Variants in NKAIN2 observed in about 807,000 individuals in gnomAD.
NKAIN2 encodes the protein sodium/potassium transporting ATPase interacting 2.
A neutral mutation model predicts 32.6 loss-of-function variants in NKAIN2; 14 were observed. The observed-to-expected ratio is 0.43, with a 90% confidence interval of 0.28 to 0.67. NKAIN2 has a LOEUF of 0.67. NKAIN2 is among the 30% of genes least tolerant of loss of function. The probability of loss-of-function intolerance (pLI) is 0.17; values close to 1 mark genes in which losing one functional copy is unlikely to be tolerated. For synonymous variants in NKAIN2, 80 were observed against 87.2 expected, an observed-to-expected ratio of 0.92 and a Z score of 0.46; for missense variants, 198 against 258.3, an observed-to-expected ratio of 0.77 and a Z score of 1.60.
intron 3 of NKAIN2, among the ~76,000 whole-genome samples, chr6:124,384,766 C>T (rs1714993061): frequency 1.3e-5 from 2 of 150,172 alleles, no homozygotes; most frequent in South Asian, 4.2e-4. Flanking sequence ...TAGGAAGGAC[C>T]ACAGGCATGT....
intron 1 of NKAIN2, among the ~76,000 whole-genome samples, chr6:124,213,807 G>A (rs1170355181): frequency 6.6e-6 from 1 of 152,062 alleles, no homozygotes; most frequent in East Asian, 1.9e-4. Flanking sequence ...GGTATCTATA[G>A]TCAATCTGTG....
At position 124,166,458 on chromosome 6, in the gene NKAIN2, T is replaced by G. The variant is rs1322375789; in HGVS notation, c.55-116547T>G. 4.0e-5 allele frequency among the ~76,000 whole-genome samples: 6 copies of G among 150,700 alleles called. No individual in the cohort carries two copies. In the South Asian group the frequency reaches 6.3e-4, roughly 16 times the overall value. On this transcript the variant is annotated intron_variant, in intron 1 of 6. Transcript: ENST00000368417. ...GTAGGTTGCAAAAATTTTCTCCAAT[T>G]TTGTAGGTTGCCTGTTCACTCTGAT... is the stretch of plus-strand genomic sequence containing the variant.
chr6:124,316,736 A>G (rs1267198258), intron 2 of NKAIN2, among the ~76,000 whole-genome samples: 2 of 152,138 alleles, frequency 1.3e-5, no homozygotes, highest in Non-Finnish European at 1.5e-5. Flanking sequence ...CAAATGTGCT[A>G]TTAGAGAGAA....
chr6:124,111,957 C>T (rs1353089708), intron 1 of NKAIN2, among the ~76,000 whole-genome samples: 1 of 151,918 alleles, frequency 6.6e-6, no homozygotes, highest in Non-Finnish European at 1.5e-5. Context: ...TAACTTCCTC[C>T]CCAGAACATA....
chr6:124,382,026 A>G (rs570343562), intron 3 of NKAIN2, among the ~76,000 whole-genome samples: 34 of 152,222 alleles, frequency 2.2e-4, no homozygotes, highest in African/African-American at 7.9e-4. Context: ...GTGTATTTGT[A>G]TTTAGAGGTA....
At chr6:124,476,481 G>T (rs1372038610) in intron 3 of NKAIN2, among the ~76,000 whole-genome samples, 1 of 151,110 alleles carries the variant, frequency 6.6e-6, no homozygotes, top group Non-Finnish European at 1.5e-5. Context: ...TTTTTGACAG[G>T]CATGTTTAAG....
chr6:124,719,125 G>C (rs1051976622), intron 4 of NKAIN2, among the ~76,000 whole-genome samples: 2 of 152,126 alleles, frequency 1.3e-5, no homozygotes, highest in African/African-American at 2.4e-5. Flanking sequence ...TCTATCATTA[G>C]TCAAATAGAC....
chr6:123,930,574 C>A (rs1776209066), intron 1 of NKAIN2, among the ~76,000 whole-genome samples: 1 of 152,258 alleles, frequency 6.6e-6, no homozygotes, highest in East Asian at 1.9e-4. Context: ...TTGAATTCTA[C>A]AAACATTACT....
intron 1 of NKAIN2, among the ~76,000 whole-genome samples, chr6:124,222,466 A>G (rs1191747230): frequency 6.6e-6 from 1 of 152,174 alleles, no homozygotes; most frequent in African/African-American, 2.4e-5. Flanking sequence ...GTTGGATGCA[A>G]TTTAAAATAG....
intron 4 of NKAIN2, among the ~76,000 whole-genome samples, chr6:124,760,216 C>T (rs369889157): frequency 3.3e-5 from 5 of 151,880 alleles, no homozygotes; most frequent in African/African-American, 9.7e-5. Context: ...CTCATGGATA[C>T]AAAGAAGGGA....
At chr6:124,356,246 G>GAACT (rs543141357) in intron 3 of NKAIN2, among the ~76,000 whole-genome samples, 52 of 152,112 alleles carry the variant, frequency 3.4e-4, no homozygotes, top group African/African-American at 1.2e-3. Context: ...AATTCCTCAG[G>GAACT]AACTACCTTT....
At chr6:124,675,558 T>G (rs1773317917) in intron 4 of NKAIN2, among the ~76,000 whole-genome samples, 1 of 152,118 alleles carries the variant, frequency 6.6e-6, no homozygotes, top group Non-Finnish European at 1.5e-5. Context: ...AGATTTTCTA[T>G]TTCTTGATAA....
intron 1 of NKAIN2, among the ~76,000 whole-genome samples, chr6:123,856,977 A>G (rs1775579623): frequency 2.0e-5 from 3 of 152,234 alleles, no homozygotes; most frequent in Non-Finnish European, 4.4e-5. Context: ...TTTTCTGACT[A>G]CAATAATCAA....
intron 3 of NKAIN2, among the ~76,000 whole-genome samples, chr6:124,466,451 A>G (rs1425342075): frequency 1.3e-5 from 2 of 152,062 alleles, no homozygotes; most frequent in Non-Finnish European, 2.9e-5. Flanking sequence ...GCCTCATTTC[A>G]GCTTAATTGG....
chr6:124,110,264 G>T (rs1266954235), intron 1 of NKAIN2, among the ~76,000 whole-genome samples: 2 of 151,538 alleles, frequency 1.3e-5, no homozygotes, highest in Non-Finnish European at 2.9e-5. Flanking sequence ...CACATTAACA[G>T]AAAGGACAAA....
At chr6:123,847,299 G>A (rs1775133258) in intron 1 of NKAIN2, among the ~76,000 whole-genome samples, 1 of 152,158 alleles carries the variant, frequency 6.6e-6, no homozygotes, top group South Asian at 2.1e-4. Flanking sequence ...TAGCAGTAAT[G>A]GCTTCATTTT....
chr6:124,325,402 A>G (rs1797370023), intron 2 of NKAIN2, among the ~76,000 whole-genome samples: 1 of 152,124 alleles, frequency 6.6e-6, no homozygotes, highest in Non-Finnish European at 1.5e-5. Flanking sequence ...GTATTTACCC[A>G]AGAGATGTTG....
At chr6:123,976,579 A>G (rs1391337161) in intron 1 of NKAIN2, among the ~76,000 whole-genome samples, 1 of 151,230 alleles carries the variant, frequency 6.6e-6, no homozygotes, top group African/African-American at 2.4e-5. Flanking sequence ...ATTTTTGTTC[A>G]ACTGAAAGGA....
In NKAIN2 at chr6:123,843,322, G is replaced by A. The variant is rs930011220; in HGVS notation, c.54+39068G>A. Among the ~76,000 whole-genome samples the A allele has an allele frequency of 3.3e-5, 5 of 152,136 alleles. No homozygotes were observed. The East Asian group carries it at 5.8e-4, about 18-fold the overall frequency. On this transcript the variant is annotated intron_variant, in intron 1 of 6. Transcript: ENST00000368417. ...TGGCAGTGACTCTTAATAGGATGGGGAGCTGGAAAGGGGATGGAGCAAGAA... is the reference window on the plus strand; with the variant it reads ...TGGCAGTGACTCTTAATAGGATGGGAAGCTGGAAAGGGGATGGAGCAAGAA...
Sources: allele counts gnomAD v4.1 joint callset (sites outside exome capture counted in the v4.1 genomes callset), GRCh38; gene constraint gnomAD v4.1.1; transcripts MANE v1.5; gene names NCBI Gene and HGNC (gene_info 2026-07-23, HGNC 2026-07-21).